GNB4: variants seen among roughly 807,000 people sequenced by gnomAD.
The protein encoded by GNB4 is guanine nucleotide-binding protein subunit beta-4.
A neutral mutation model predicts 45.2 loss-of-function variants in GNB4; 28 were observed. The observed-to-expected ratio is 0.62, with a 90% CI of 0.46 to 0.85. The LOEUF (loss-of-function observed/expected upper bound fraction) is 0.85. Ranked by LOEUF, GNB4 falls within the 40% of genes least tolerant of loss-of-function variation. The pLI, the probability that GNB4 is intolerant of heterozygous loss-of-function variation, is 0.00. For synonymous variants in GNB4, 132 were observed against 143.7 expected, an observed-to-expected ratio of 0.92 and a Z score of 0.58; for missense variants, 321 against 425.4, an observed-to-expected ratio of 0.75 and a Z score of 2.16.
chr3:179,459,458 G>A, the GNB4 span, among the ~76,000 whole-genome samples: 17 of 152,002 alleles, frequency 1.1e-4, no homozygotes, highest in Admixed American at 9.8e-4. Flanking sequence ...CAAGGTGGGC[G>A]GATTATCTGA....
At position 179,409,830 on chromosome 3, in the gene GNB4, A is replaced by AC. The variant is rs1440223664; in HGVS notation, c.699+3581_699+3582insG. On this transcript the variant is annotated intron_variant, in intron 8 of 9. Coordinates refer to ENST00000232564, the MANE Select transcript of GNB4 (RefSeq NM_021629.4). ...TCTCAAAAAAAAAAACAAAAAAACAAAACAAAAAAAAAACTAGAAAAAGAA... is the reference window on the plus strand; with the variant it reads ...TCTCAAAAAAAAAAACAAAAAAACAACAACAAAAAAAAAACTAGAAAAAGAA... Among the ~76,000 whole-genome samples, 14 of 114,260 alleles carry AC rather than the reference A, an allele frequency of 1.2e-4. 1 individual carries two copies. Among genetic ancestry groups the AC allele is most frequent in the South Asian group, 6.0e-4 (2 of 3,360 alleles). The allele number at this position is 114,260 out of a possible 152,430, so 75.0% of individuals were successfully genotyped here.
chr3:179,459,616 A>T, the GNB4 span, among the ~76,000 whole-genome samples: 2 of 151,900 alleles, frequency 1.3e-5, no homozygotes, highest in African/African-American at 4.8e-5. Context: ...TGGGAGGCAG[A>T]GGATGCGGTG....
the GNB4 span, among the ~76,000 whole-genome samples, chr3:179,458,636 C>T: frequency 6.6e-6 from 1 of 152,214 alleles, no homozygotes; most frequent in African/African-American, 2.4e-5. Context: ...ATATCCTACA[C>T]ATATCCTCCT....
chr3:179,487,871 G>A, the GNB4 span, among the ~76,000 whole-genome samples: 1 of 152,056 alleles, frequency 6.6e-6, no homozygotes, highest in Non-Finnish European at 1.5e-5. Flanking sequence ...CCAACATGGT[G>A]AAACCCCATC....
At chr3:179,450,404 T>C (rs1577043265) in intron 1 of GNB4, among the ~76,000 whole-genome samples, 1 of 152,214 alleles carries the variant, frequency 6.6e-6, no homozygotes, top group East Asian at 1.9e-4. Flanking sequence ...ATGTACTTAA[T>C]GGTCATAAAC....
chr3:179,429,691 G>T (rs7625375), intron 1 of GNB4, among the ~76,000 whole-genome samples: 106,280 of 151,882 alleles, frequency 0.7, 37,498 homozygotes, highest in Admixed American at 0.78. Context: ...CTGGATGAAA[G>T]CAGCTACCTA....
chr3:179,417,514 T>C (rs1714836072), intron 4 of GNB4, among the ~76,000 whole-genome samples: 1 of 152,080 alleles, frequency 6.6e-6, no homozygotes, highest in Non-Finnish European at 1.5e-5. Flanking sequence ...TTCAAGTGAT[T>C]CTCCTGCCTC....
chr3:179,435,801 C>T (rs1482748857), intron 1 of GNB4, among the ~76,000 whole-genome samples: 2 of 152,074 alleles, frequency 1.3e-5, no homozygotes, highest in African/African-American at 2.4e-5. Flanking sequence ...TCAGCTGTAC[C>T]AGTTACAAAT....
chr3:179,416,323 G>C (rs1263609690), intron 5 of GNB4, among the ~76,000 whole-genome samples, 170 bp downstream of exon 5: 3 of 152,024 alleles, frequency 2.0e-5, no homozygotes, highest in East Asian at 1.9e-4. Flanking sequence ...AATGAAAAAG[G>C]GTTAAACATT....
chr3:179,495,083 G>A, the GNB4 span, among the ~76,000 whole-genome samples: 215 of 152,054 alleles, frequency 1.4e-3, 1 homozygote, highest in African/African-American at 4.7e-3. Flanking sequence ...AAAAGCTGAA[G>A]GGAAACAAAA....
chr3:179,464,139 C>T, the GNB4 span, among the ~76,000 whole-genome samples: 24 of 152,048 alleles, frequency 1.6e-4, no homozygotes, highest in South Asian at 4.2e-4. Context: ...TGGAATGGAC[C>T]CCTCCTCTGG....
chr3:179,497,429 C>G, the GNB4 span, among the ~76,000 whole-genome samples: 1 of 152,048 alleles, frequency 6.6e-6, no homozygotes, highest in East Asian at 1.9e-4. Flanking sequence ...AAAGCTTCTT[C>G]ACATCGGTCT....
intron 1 of GNB4, among the ~76,000 whole-genome samples, chr3:179,448,807 C>T (rs115276720): frequency 0.017 from 2,651 of 152,168 alleles, 82 homozygotes; most frequent in African/African-American, 0.061. Flanking sequence ...GGCCAGACGC[C>T]GTGGCTCACG....
the GNB4 span, among the ~76,000 whole-genome samples, chr3:179,525,924 G>T: frequency 1.3e-5 from 2 of 152,218 alleles, no homozygotes; most frequent in African/African-American, 2.4e-5. Context: ...CCGGTCTCCC[G>T]AAGGAGTCCT....
chr3:179,475,381 AG>A, the GNB4 span, among the ~76,000 whole-genome samples: 1 of 151,970 alleles, frequency 6.6e-6, no homozygotes, highest in Non-Finnish European at 1.5e-5. Flanking sequence ...GGCCTCCCAA[AG>A]TGCTGGGATT....
At chr3:179,480,587 C>A in the GNB4 span, among the ~76,000 whole-genome samples, 1 of 152,110 alleles carries the variant, frequency 6.6e-6, no homozygotes, top group Non-Finnish European at 1.5e-5. Flanking sequence ...ATAGGATGCA[C>A]TTCACCCCCC....
the GNB4 span, among the ~76,000 whole-genome samples, chr3:179,507,389 T>TAGGA: frequency 2.2e-4 from 33 of 148,500 alleles, 1 homozygote; most frequent in East Asian, 1.4e-3. Context: ...GACAGGAAGG[T>TAGGA]AGGAAGGAAG....
chr3:179,475,192 G>A, the GNB4 span, among the ~76,000 whole-genome samples: 12 of 151,608 alleles, frequency 7.9e-5, no homozygotes, highest in East Asian at 2.0e-4. Flanking sequence ...ATCTCAGCTC[G>A]CTGCAACCTC....
At chr3:179,464,753 A>G in the GNB4 span, 17 of 1,217,106 alleles carry the variant, frequency 1.4e-5, no homozygotes, top group East Asian at 4.0e-4. Flanking sequence ...TGCCTCTTCC[A>G]GACATATTGA....
Sources: gnomAD v4.1 joint callset for allele counts (sites outside exome capture counted in the v4.1 genomes callset) on GRCh38, gnomAD v4.1.1 for gene constraint, MANE v1.5 for transcripts, NCBI Gene and HGNC (gene_info 2026-07-23, HGNC 2026-07-21) for gene names.